Variants in NEGR1 observed in about 807,000 individuals in gnomAD.
NEGR1 encodes the protein neuronal growth regulator 1, also known as IgLON family member 4.
A neutral mutation model predicts 40.9 loss-of-function variants in NEGR1; 10 were observed. The ratio of observed to expected loss-of-function variants is 0.24; its 90% CI spans 0.15 to 0.42. The LOEUF is 0.42. NEGR1 is among the 10% of genes least tolerant of loss of function. The pLI is 1.00. For synonymous variants in NEGR1, 185 were observed against 166.8 expected (o/e 1.11, Z -0.84); for missense variants, 352 against 438.9 (o/e 0.80, Z 1.77).
chr1:71,995,752 C>A (rs555195102), intron 1 of NEGR1, among the ~76,000 whole-genome samples: 1 of 152,178 alleles, frequency 6.6e-6, no homozygotes, highest in Admixed American at 6.5e-5. Context: ...TTTTTTAATG[C>A]CAAAGGCAAT....
intron 1 of NEGR1, among the ~76,000 whole-genome samples, chr1:72,274,154 C>T (rs1655956992): frequency 6.6e-6 from 1 of 152,050 alleles, no homozygotes; most frequent in Non-Finnish European, 1.5e-5. Context: ...AGATGTGCTA[C>T]ACTTTACCCG....
chr1:72,069,124 C>T lies in NEGR1; in HGVS notation c.177-133813G>A, dbSNP rs188248674. On this transcript the variant is annotated intron_variant, in intron 1 of 6. Coordinates refer to ENST00000357731, the MANE Select transcript of NEGR1 (RefSeq NM_173808.3). The stretch of plus-strand genomic sequence containing the variant: ...TTTTGTGTCAGTTTAAGTATGTAAA[C>T]GATGGCTGGGTGTGGTGGCTCATGT... Among the ~76,000 whole-genome samples the T allele has an allele frequency of 4.6e-5, 7 of 151,956 alleles. No individual in the cohort carries two copies. The East Asian group carries it at 7.8e-4, about 17-fold the overall frequency.
chr1:71,651,689 T>C (rs1183424523), intron 4 of NEGR1, among the ~76,000 whole-genome samples: 1 of 152,160 alleles, frequency 6.6e-6, no homozygotes, highest in African/African-American at 2.4e-5. Context: ...ATCCTGTACA[T>C]GTTGAACTCA....
chr1:72,222,903 G>A (rs780170595), intron 1 of NEGR1, among the ~76,000 whole-genome samples: 6 of 152,124 alleles, frequency 3.9e-5, no homozygotes, highest in Non-Finnish European at 8.8e-5. Flanking sequence ...AGACATGTGA[G>A]TGAAGATGTC....
chr1:71,427,996 A>ATT (rs916757494), intron 6 of NEGR1, among the ~76,000 whole-genome samples: 3 of 12,962 alleles, frequency 2.3e-4, no homozygotes, highest in African/African-American at 3.3e-4. Flanking sequence ...CTGATAACAC[A>ATT]CTCACACACA....
intron 2 of NEGR1, among the ~76,000 whole-genome samples, chr1:71,868,586 G>A (rs1242341203): frequency 1.3e-5 from 2 of 151,920 alleles, no homozygotes; most frequent in African/African-American, 4.8e-5. Flanking sequence ...ATACAAAAAA[G>A]GGCCCCTGAA....
At chr1:71,733,295 G>C (rs1654947241) in intron 3 of NEGR1, among the ~76,000 whole-genome samples, 1 of 151,882 alleles carries the variant, frequency 6.6e-6, no homozygotes, top group Non-Finnish European at 1.5e-5. Flanking sequence ...TGAGGGTTTT[G>C]AGGGTGGGCG....
intron 1 of NEGR1, among the ~76,000 whole-genome samples, chr1:71,949,684 T>C (rs17091962): frequency 0.059 from 8,974 of 152,104 alleles, 553 homozygotes; most frequent in East Asian, 0.36. Flanking sequence ...TTATCCTAAA[T>C]TGAAGCACAC....
chr1:72,120,414 A>C (rs1649752663), intron 1 of NEGR1, among the ~76,000 whole-genome samples: 1 of 152,056 alleles, frequency 6.6e-6, no homozygotes, highest in African/African-American at 2.4e-5. Context: ...TTCTGTAAAT[A>C]AACTCAGCAA....
chr1:71,461,062 C>T (rs1646711394), intron 6 of NEGR1, among the ~76,000 whole-genome samples: 1 of 152,030 alleles, frequency 6.6e-6, no homozygotes, highest in Admixed American at 6.6e-5. Context: ...GCTTACTTGT[C>T]TTCTTTATTA....
Position 71,687,586 on chromosome 1 carries a change from T to A in NEGR1, c.667+10422A>T, listed in dbSNP as rs978905201. On this transcript the variant is annotated intron_variant, in intron 4 of 6. Transcript: ENST00000357731. ...GTGCAGCATCGTTCTAAAGGATTAT[T>A]TATTGTAATTGTTTTCTCTATTCAC... Among the ~76,000 whole-genome samples, 3 of 152,166 alleles carry A rather than the reference T, an allele frequency of 2.0e-5. No homozygotes were observed. In the South Asian group the frequency reaches 6.2e-4, roughly 32 times the overall value.
At chr1:72,058,506 G>A (rs139393582) in intron 1 of NEGR1, among the ~76,000 whole-genome samples, 246 of 151,698 alleles carry the variant, frequency 1.6e-3, no homozygotes, top group Middle Eastern at 3.4e-3. Flanking sequence ...AAATGGTGAA[G>A]AGGAAGAAGG....
chr1:71,861,778 G>A (rs1182019682), intron 2 of NEGR1, among the ~76,000 whole-genome samples: 1 of 152,108 alleles, frequency 6.6e-6, no homozygotes, highest in Non-Finnish European at 1.5e-5. Flanking sequence ...AAGTTAGTGA[G>A]TAATTATCAC....
intron 4 of NEGR1, among the ~76,000 whole-genome samples, chr1:71,661,865 G>A (rs1268277679): frequency 2.0e-5 from 3 of 152,072 alleles, no homozygotes; most frequent in African/African-American, 4.8e-5. Context: ...TTAGCCTCAG[G>A]AACCAAAAAG....
intron 5 of NEGR1, among the ~76,000 whole-genome samples, chr1:71,595,541 T>A (rs1649669114): frequency 6.6e-6 from 1 of 152,126 alleles, no homozygotes; most frequent in Non-Finnish European, 1.5e-5. Context: ...CCTGGAGAGT[T>A]CTGGGGTATG....
At chr1:71,847,391 A>G (rs1222742248) in intron 2 of NEGR1, among the ~76,000 whole-genome samples, 1 of 152,150 alleles carries the variant, frequency 6.6e-6, no homozygotes, top group African/African-American at 2.4e-5. Flanking sequence ...CACTGTGTCC[A>G]GCGAGTCTAT....
At chr1:72,035,554 T>A (rs995576418) in intron 1 of NEGR1, among the ~76,000 whole-genome samples, 2 of 152,188 alleles carry the variant, frequency 1.3e-5, no homozygotes, top group African/African-American at 4.8e-5. Context: ...TGTCTAGAGT[T>A]ATTTCTACAG....
At chr1:71,690,551 C>A (rs938175466) in intron 4 of NEGR1, among the ~76,000 whole-genome samples, 1 of 147,116 alleles carries the variant, frequency 6.8e-6, no homozygotes. Context: ...CAAATGCACA[C>A]ATATAAGTTA....
chr1:71,678,239 A>G (rs1652711242), intron 4 of NEGR1, among the ~76,000 whole-genome samples: 1 of 152,180 alleles, frequency 6.6e-6, no homozygotes, highest in African/African-American at 2.4e-5. Flanking sequence ...AAAAGGGGGT[A>G]AAGGCAATTT....
Sources: gnomAD v4.1 joint callset for allele counts (sites outside exome capture counted in the v4.1 genomes callset) on GRCh38, gnomAD v4.1.1 for gene constraint, MANE v1.5 for transcripts, NCBI Gene and HGNC (gene_info 2026-07-23, HGNC 2026-07-21) for gene names.